The following SLC7A11 variants were observed in gnomAD, a reference collection of about 807,000 sequenced individuals.
The protein encoded by SLC7A11 is solute carrier family 7 member 11.
A neutral mutation model predicts 54.5 loss-of-function variants in SLC7A11; 35 were observed. The ratio of observed to expected loss-of-function variants is 0.64; its 90% confidence interval spans 0.49 to 0.85. SLC7A11 has a LOEUF of 0.85. Ranked by LOEUF, SLC7A11 falls within the 40% of genes least tolerant of loss-of-function variation. The probability of loss-of-function intolerance (pLI) is 0.00; values close to 1 mark genes in which losing one functional copy is unlikely to be tolerated. For missense variants in SLC7A11, 583 were observed against 618.1 expected (o/e 0.94, Z 0.60); for synonymous variants, 230 against 225.2 (o/e 1.02, Z -0.19).
At chr4:138,191,974 T>C (rs1737023179) in intron 6 of SLC7A11, among the ~76,000 whole-genome samples, 1 of 152,168 alleles carries the variant, frequency 6.6e-6, no homozygotes, top group South Asian at 2.1e-4. Flanking sequence ...AGTAATAAAT[T>C]AAATTTTACA....
intron 2 of SLC7A11, among the ~76,000 whole-genome samples, chr4:138,235,451 T>C (rs1368960189): frequency 5.9e-5 from 9 of 152,142 alleles, no homozygotes; most frequent in Non-Finnish European, 7.4e-5. Flanking sequence ...ATGATTAGTG[T>C]TGTCAATACT....
chr4:138,205,296 T>A (rs1368716113), intron 6 of SLC7A11, among the ~76,000 whole-genome samples: 1 of 152,086 alleles, frequency 6.6e-6, no homozygotes, highest in East Asian at 1.9e-4. Context: ...AAATATTTTT[T>A]TCACTGGAAA....
At chr4:138,229,372 C>T (rs538325143) in intron 3 of SLC7A11, among the ~76,000 whole-genome samples, 8 of 152,200 alleles carry the variant, frequency 5.3e-5, no homozygotes, top group Non-Finnish European at 1.2e-4. Context: ...CCAATTAGGG[C>T]ACTGATTTAC....
chr4:138,212,373 C>G lies in SLC7A11; in HGVS notation c.791+2212G>C, dbSNP rs185666919. On this transcript the variant is annotated intron_variant, in intron 6 of 11. Transcript: ENST00000280612. Reference sequence around the variant, plus strand: ...AGTAATAGTAGTAATGACAACCAAACAATTATGTAGAAATTAAAAAGTGAC... The same window carrying G: ...AGTAATAGTAGTAATGACAACCAAAGAATTATGTAGAAATTAAAAAGTGAC... Among the ~76,000 whole-genome samples the G allele has an allele frequency of 1.6e-3, 247 of 151,782 alleles. 1 individual carries two copies. The Middle Eastern group carries it at 0.051, about 31-fold the overall frequency.
At position 138,219,277 on chromosome 4, in the gene SLC7A11, T is replaced by A; in HGVS notation, c.735A>T (p.Ala245=). 6.3e-7 allele frequency: 1 copy of A among 1,587,850 alleles called. No homozygotes were observed. Among genetic ancestry groups the A allele is most frequent in the Non-Finnish European group, 8.6e-7 (1 of 1,156,288 alleles). Residue 245 remains alanine (A), a synonymous_variant, in exon 5 of 12, where the codon GCA becomes GCT. Transcript: ENST00000280612. ...AGCTATCAACTTACCAGCCAGCATATGCATACATTCCATAATAAAAAGCCA... is the reference window on the plus strand; with the variant it reads ...AGCTATCAACTTACCAGCCAGCATAAGCATACATTCCATAATAAAAAGCCA... The part of the protein sequence containing the change: ...LPLAFYYGMY[A]YAGWFYLNFV...
At chr4:138,188,052 T>C (rs1736918482) in intron 6 of SLC7A11, among the ~76,000 whole-genome samples, 1 of 152,102 alleles carries the variant, frequency 6.6e-6, no homozygotes, top group Non-Finnish European at 1.5e-5. Flanking sequence ...TCTATAATTA[T>C]TCTTTTTTAA....
At chr4:138,224,425 T>C (rs1737889730) in intron 3 of SLC7A11, among the ~76,000 whole-genome samples, 2 of 152,184 alleles carry the variant, frequency 1.3e-5, no homozygotes, top group South Asian at 4.1e-4. Flanking sequence ...TGTAAAGATA[T>C]TTCTCAAAGA....
chr4:138,235,643 T>A (rs1413957515), intron 2 of SLC7A11, among the ~76,000 whole-genome samples: 1 of 152,192 alleles, frequency 6.6e-6, no homozygotes, highest in Non-Finnish European at 1.5e-5. Context: ...TCTGAAATGC[T>A]CATATGACAT....
chr4:138,173,268 A>G (rs1211685379), intron 11 of SLC7A11, among the ~76,000 whole-genome samples: 1 of 151,098 alleles, frequency 6.6e-6, no homozygotes, highest in African/African-American at 2.4e-5. Flanking sequence ...CTGGACATAG[A>G]GTCTTTCTCC....
intron 3 of SLC7A11, among the ~76,000 whole-genome samples, chr4:138,224,959 G>T (rs925145518): frequency 1.3e-4 from 19 of 151,154 alleles, no homozygotes; most frequent in Non-Finnish European, 2.5e-4. Context: ...TTATTTTTAG[G>T]AATAGTTTAA....
intron 3 of SLC7A11, among the ~76,000 whole-genome samples, chr4:138,226,089 G>A (rs1239764092): frequency 1.3e-5 from 2 of 152,058 alleles, no homozygotes; most frequent in African/African-American, 2.4e-5. Flanking sequence ...AGTTTTCTTA[G>A]GCAAATGGAA....
chr4:138,223,824 G>A (rs770605661), intron 3 of SLC7A11, among the ~76,000 whole-genome samples: 1 of 152,168 alleles, frequency 6.6e-6, no homozygotes, highest in Non-Finnish European at 1.5e-5. Context: ...GCCTCAGGCA[G>A]CACTTTTCTT....
In SLC7A11 at chr4:138,214,629, C is replaced by A. The variant is rs955216926; in HGVS notation, c.747G>T (p.Trp249Cys). The change falls in exon 6 of 12, where the codon TGG becomes TGT. Residue 249 changes from tryptophan to cysteine, a missense_variant and splice_region_variant. Transcript: ENST00000280612. ...FYYGMYAYAGWFYLNFVTEEV... is the reference protein window; with the variant it reads ...FYYGMYAYAGCFYLNFVTEEV... ...CTTCAGTAACAAAGTTGAGGTAAAACCTAAAAATAGATAAATAAATTATAA... is the reference window on the plus strand; with the variant it reads ...CTTCAGTAACAAAGTTGAGGTAAAAACTAAAAATAGATAAATAAATTATAA... 2 of 1,285,560 alleles carry A rather than the reference C, an allele frequency of 1.6e-6. No homozygotes were observed. The highest frequency in any genetic ancestry group is 2.1e-6 in the Non-Finnish European group (2 of 933,720). The allele number at this position is 1,285,560 out of a possible 1,614,324, so 79.6% of individuals were successfully genotyped here.
At chr4:138,198,767 T>C (rs1384032836) in intron 6 of SLC7A11, among the ~76,000 whole-genome samples, 1 of 152,142 alleles carries the variant, frequency 6.6e-6, no homozygotes, top group East Asian at 1.9e-4. Context: ...TGCACCAACC[T>C]AATACATTAA....
At chr4:138,217,746 C>T (rs780838971) in intron 5 of SLC7A11, among the ~76,000 whole-genome samples, 4 of 152,302 alleles carry the variant, frequency 2.6e-5, no homozygotes, top group Non-Finnish European at 4.4e-5. Context: ...TCTACCTCCC[C>T]GCTTTGCTCT....
intron 7 of SLC7A11, 34 bp downstream of exon 7, chr4:138,185,087 A>C (rs1243971752): frequency 6.2e-7 from 1 of 1,611,024 alleles, no homozygotes; most frequent in Non-Finnish European, 8.5e-7. Context: ...CATTAACCTA[A>C]ATTCCAATTG....
At chr4:138,194,660 T>A (rs1737088777) in intron 6 of SLC7A11, among the ~76,000 whole-genome samples, 1 of 152,164 alleles carries the variant, frequency 6.6e-6, no homozygotes, top group African/African-American at 2.4e-5. Flanking sequence ...TTTGGTGACA[T>A]CTTTTCTCTG....
At chr4:138,199,506 G>A (rs1470646973) in intron 6 of SLC7A11, among the ~76,000 whole-genome samples, 1 of 152,026 alleles carries the variant, frequency 6.6e-6, no homozygotes, top group Non-Finnish European at 1.5e-5. Context: ...TTTAAAAATA[G>A]AATAAACAAT....
rs1345715926 is a variant in SLC7A11 at position 138,167,380 on chromosome 4, G to C, written c.*4576C>G. 6.6e-6 allele frequency: 1 copy of C among 151,778 alleles called. No homozygotes were observed. The highest frequency in any genetic ancestry group is 1.5e-5 in the Non-Finnish European group (1 of 67,966). 9.4% of individuals were successfully genotyped at this position (151,778 alleles called of 1,614,324 possible). A position where few individuals can be genotyped will look rare whatever the true frequency, so the allele number is the denominator to read the frequency against. ...TTGGCCAGGCTGATCTCGAACTCCT[G>C]ACCTCAGGTGATTCGCCCGCCTCAG... On this transcript the variant is annotated 3_prime_UTR_variant, in exon 12 of 12. Coordinates refer to ENST00000280612, the MANE Select transcript of SLC7A11 (RefSeq NM_014331.4).
Sources: allele counts gnomAD v4.1 joint callset (sites outside exome capture counted in the v4.1 genomes callset), GRCh38; gene constraint gnomAD v4.1.1; transcripts MANE v1.5; gene names NCBI Gene and HGNC (gene_info 2026-07-23, HGNC 2026-07-21).